The following CHSY1 variants were observed in gnomAD, a reference collection of about 807,000 sequenced individuals.
The protein encoded by CHSY1 is chondroitin sulfate synthase 1.
A neutral mutation model predicts 59.8 loss-of-function variants in CHSY1; 13 were observed. The observed-to-expected ratio is 0.22, with a 90% CI of 0.14 to 0.35. The LOEUF (loss-of-function observed/expected upper bound fraction) is 0.35, where lower values mean the gene tolerates loss of function less well. Ranked by LOEUF, CHSY1 falls within the 10% of genes least tolerant of loss-of-function variation. The pLI is 1.00. For synonymous variants in CHSY1, 459 were observed against 401.2 expected (o/e 1.14, Z -1.72); for missense variants, 947 against 1,030.6 (o/e 0.92, Z 1.11).
At chr15:101,179,006 C>T (rs757195358) in intron 2 of CHSY1, 26 bp from the exon 3 acceptor site, 1 of 1,609,536 alleles carries the variant, frequency 6.2e-7, no homozygotes, top group African/African-American at 1.3e-5. Context: ...AAAGAGATCA[C>T]AAATTTAGTA....
chr15:101,235,596 T>A lies in CHSY1; in HGVS notation c.321-19A>T. The A allele has an allele frequency of 1.9e-6, 3 of 1,602,082 alleles. No homozygotes were observed. Among genetic ancestry groups the A allele is most frequent in the Non-Finnish European group, 2.5e-6 (3 of 1,179,234 alleles). ...CCATGTTCTGGAATTAAAATAAATA[T>A]CAGTTAGAGAACAGTTTATTCCAAG... On this transcript the variant is annotated intron_variant, in intron 1 of 2. Coordinates refer to ENST00000254190, the MANE Select transcript of CHSY1 (RefSeq NM_014918.5).
At chr15:101,213,705 C>A (rs1200979100) in intron 2 of CHSY1, among the ~76,000 whole-genome samples, 9 of 152,178 alleles carry the variant, frequency 5.9e-5, no homozygotes, top group Admixed American at 5.9e-4. Flanking sequence ...CAAAACACTA[C>A]AGCAGCACAG....
At chr15:101,242,720 C>T (rs1217289658) in intron 1 of CHSY1, 1 of 152,238 alleles carries the variant, frequency 6.6e-6, no homozygotes, top group Non-Finnish European at 1.5e-5. Flanking sequence ...TCCCCTCTGG[C>T]AGGATGTTGC....
At chr15:101,232,122 C>T (rs963825963) in intron 2 of CHSY1, among the ~76,000 whole-genome samples, 7 of 152,168 alleles carry the variant, frequency 4.6e-5, no homozygotes, top group African/African-American at 1.7e-4. Context: ...TTTTAATTAC[C>T]TAAGTGTCAT....
chr15:101,177,630 G>T lies in CHSY1; in HGVS notation c.2167C>A (p.Leu723Ile). The change falls in exon 3 of 3, where the codon CTT becomes ATT. Residue 723 changes from leucine to isoleucine, a missense_variant. Leu to Ile is a conservative substitution (Grantham distance 5). Coordinates refer to ENST00000254190, the MANE Select transcript of CHSY1 (RefSeq NM_014918.5). ...CCTGCCTGGACAACCTTGTTGAAAA[G>T]GTCCACATCCTCCAGCCCCCAGCCT... ...IQGWGLEDVD[L>I]FNKVVQAGLK... The T allele has an allele frequency of 6.2e-7, 1 of 1,614,138 alleles. No homozygotes were observed. The highest frequency in any genetic ancestry group is 8.5e-7 in the Non-Finnish European group (1 of 1,180,030).
At position 101,176,406 on chromosome 15, in the gene CHSY1, T is replaced by C. The variant is rs987213089; in HGVS notation, c.*982A>G. ...TTTCAGTCTGTGTACATCAGATTTATTGTAATAATTCATCTTTGTCATTCT... is the reference window on the plus strand; with the variant it reads ...TTTCAGTCTGTGTACATCAGATTTACTGTAATAATTCATCTTTGTCATTCT... On this transcript the variant is annotated 3_prime_UTR_variant, in exon 3 of 3. Transcript: ENST00000254190. 2.0e-5 allele frequency: 8 copies of C among 398,496 alleles called. No individual in the cohort carries two copies. Among genetic ancestry groups the C allele is most frequent in the Non-Finnish European group, 8.8e-6 (2 of 226,070 alleles). The allele number at this position is 398,496 out of a possible 1,614,324, so 24.7% of individuals were successfully genotyped here. A position where few individuals can be genotyped will look rare whatever the true frequency, so the allele number is the denominator to read the frequency against.
intron 2 of CHSY1, among the ~76,000 whole-genome samples, chr15:101,180,342 C>T (rs527569442): frequency 7.9e-5 from 12 of 152,326 alleles, no homozygotes; most frequent in Non-Finnish European, 1.3e-4. Flanking sequence ...CTCCAAAGTG[C>T]CGCCGCTGTT....
rs558738859 is a variant in CHSY1 at position 101,176,424 on chromosome 15, G to C, written c.*964C>G. On this transcript the variant is annotated 3_prime_UTR_variant, in exon 3 of 3. Coordinates refer to ENST00000254190, the MANE Select transcript of CHSY1 (RefSeq NM_014918.5). ...AGATTTATTGTAATAATTCATCTTT[G>C]TCATTCTAAACATTAATATTTTACC... is the stretch of plus-strand genomic sequence containing the variant. The C allele has an allele frequency of 3.2e-4, 127 of 398,464 alleles. 1 individual carries two copies. In the Middle Eastern group the frequency reaches 6.9e-3, roughly 22 times the overall value. The allele number at this position is 398,464 out of a possible 1,614,324, so 24.7% of individuals were successfully genotyped here.
At chr15:101,213,885 G>A (rs1172918698) in intron 2 of CHSY1, among the ~76,000 whole-genome samples, 2 of 152,148 alleles carry the variant, frequency 1.3e-5, no homozygotes, top group East Asian at 1.9e-4. Context: ...GAAAAATCAC[G>A]AGGCTTTTAC....
Position 101,251,370 on chromosome 15 carries a change from G to C in CHSY1, c.87C>G (p.Pro29=), listed in dbSNP as rs765757278. ...GFVLASRLVL[P]RASELKRAGP... ...CCGCTCGCTTCAGCTCGGAAGCCCG[G>C]GGCAGGACGAGCCGCGAGGCCAGCA... is the stretch of plus-strand genomic sequence containing the variant. Residue 29 remains proline (P), a synonymous_variant, in exon 1 of 3, where the codon CCC becomes CCG. Coordinates refer to ENST00000254190, the MANE Select transcript of CHSY1 (RefSeq NM_014918.5). 1 of 1,166,692 alleles carries C rather than the reference G, an allele frequency of 8.6e-7. No individual in the cohort carries two copies. Among genetic ancestry groups the C allele is most frequent in the Non-Finnish European group, 1.1e-6 (1 of 926,746 alleles). 72.3% of individuals were successfully genotyped at this position (1,166,692 alleles called of 1,614,324 possible). A position where few individuals can be genotyped will look rare whatever the true frequency, so the allele number is the denominator to read the frequency against.
At chr15:101,236,831 AT>A (rs1353360255) in intron 1 of CHSY1, among the ~76,000 whole-genome samples, 1 of 151,642 alleles carries the variant, frequency 6.6e-6, no homozygotes, top group Non-Finnish European at 1.5e-5. Flanking sequence ...TCTCAAAAAA[AT>A]AAATAAATAA....
At chr15:101,212,523 C>T (rs1248325323) in intron 2 of CHSY1, among the ~76,000 whole-genome samples, 1 of 152,118 alleles carries the variant, frequency 6.6e-6, no homozygotes, top group Non-Finnish European at 1.5e-5. Context: ...TACAAGAGTC[C>T]ACACGTATGA....
intron 2 of CHSY1, among the ~76,000 whole-genome samples, chr15:101,227,285 TTATCTGACC>T (rs1456935035): frequency 2.0e-5 from 3 of 152,158 alleles, no homozygotes; most frequent in Admixed American, 6.5e-5. Flanking sequence ...AGAACTGTCA[TTATCTGACC>T]TATCTGGTGG....
At chr15:101,179,325 G>T (rs1375095104) in intron 2 of CHSY1, among the ~76,000 whole-genome samples, 1 of 152,210 alleles carries the variant, frequency 6.6e-6, no homozygotes, top group East Asian at 1.9e-4. Context: ...CTACGCCTGT[G>T]AAAGGGACCC....
chr15:101,196,887 A>G (rs943992174), intron 2 of CHSY1, among the ~76,000 whole-genome samples: 1 of 152,214 alleles, frequency 6.6e-6, no homozygotes, highest in African/African-American at 2.4e-5. Flanking sequence ...TTTTAAAAAA[A>G]CCCTTCAATA....
chr15:101,240,864 A>C (rs1350130407), intron 1 of CHSY1, among the ~76,000 whole-genome samples: 2 of 152,200 alleles, frequency 1.3e-5, no homozygotes, highest in African/African-American at 2.4e-5. Flanking sequence ...TTTTAAGAAA[A>C]ACTACATAAA....
At chr15:101,199,508 C>T (rs774711613) in intron 2 of CHSY1, among the ~76,000 whole-genome samples, 20 of 152,130 alleles carry the variant, frequency 1.3e-4, no homozygotes, top group Non-Finnish European at 2.6e-4. Context: ...GTCTCAAAAA[C>T]AAACAAACGA....
At chr15:101,214,590 T>G (rs937215353) in intron 2 of CHSY1, among the ~76,000 whole-genome samples, 1 of 152,244 alleles carries the variant, frequency 6.6e-6, no homozygotes, top group Admixed American at 6.5e-5. Flanking sequence ...TCATGTCGGA[T>G]TGCAGTCCCT....
chr15:101,214,906 T>A (rs1489511768), intron 2 of CHSY1, among the ~76,000 whole-genome samples: 1 of 151,970 alleles, frequency 6.6e-6, no homozygotes, highest in Non-Finnish European at 1.5e-5. Context: ...TGGAGGTGGA[T>A]TTCTCATGCA....
Sources: allele counts gnomAD v4.1 joint callset (sites outside exome capture counted in the v4.1 genomes callset), GRCh38; gene constraint gnomAD v4.1.1; transcripts MANE v1.5; gene names NCBI Gene and HGNC (gene_info 2026-07-23, HGNC 2026-07-21).